BTBD9: variants seen among roughly 807,000 people sequenced by gnomAD.
The protein encoded by BTBD9 is BTB/POZ domain-containing protein 9.
In BTBD9, 49 loss-of-function variants were observed where a neutral mutation model predicts 64.3. The ratio of observed to expected loss-of-function variants is 0.76; its 90% confidence interval spans 0.61 to 0.97. BTBD9 has a LOEUF of 0.97. Among genes scored for constraint, BTBD9 ranks in the 50% least tolerant of loss-of-function variants. BTBD9 has a pLI of 0.00. For missense variants in BTBD9, 598 were observed against 762.1 expected, an observed-to-expected ratio of 0.78 and a Z score of 2.53; for synonymous variants, 260 against 274.7, an observed-to-expected ratio of 0.95 and a Z score of 0.53.
intron 6 of BTBD9, among the ~76,000 whole-genome samples, chr6:38,534,443 C>T (rs1188895195): frequency 1.6e-5 from 2 of 125,080 alleles, no homozygotes; most frequent in African/African-American, 3.0e-5. Flanking sequence ...AACATTTAAA[C>T]AAAAACTGAT....
intron 6 of BTBD9, among the ~76,000 whole-genome samples, chr6:38,517,709 T>G (rs2127416581): frequency 6.6e-6 from 1 of 152,354 alleles, no homozygotes; most frequent in East Asian, 1.9e-4. Context: ...TAGTTCCTCC[T>G]TGCAACCCTT....
chr6:38,201,690 C>G (rs947048993), intron 9 of BTBD9, among the ~76,000 whole-genome samples: 1 of 152,116 alleles, frequency 6.6e-6, no homozygotes, highest in East Asian at 1.9e-4. Context: ...TTCAGAAAGA[C>G]CAAAGGATTC....
chr6:38,402,957 C>CA (rs1240618717), intron 6 of BTBD9: 25 of 637,350 alleles, frequency 3.9e-5, no homozygotes, highest in Non-Finnish European at 7.0e-5. Context: ...CCTGTCATCC[C>CA]AGCTACTCAG....
At position 38,171,255 on chromosome 6, in the gene BTBD9, G is replaced by A. The variant is rs1766746088; in HGVS notation, c.*3730C>T. 1 of 152,184 alleles carries A rather than the reference G, an allele frequency of 6.6e-6. No individual in the cohort carries two copies. Among genetic ancestry groups the A allele is most frequent in the Non-Finnish European group, 1.5e-5 (1 of 68,032 alleles). 9.4% of individuals were successfully genotyped at this position (152,184 alleles called of 1,614,324 possible). ...CCATCTGCACAGCAGTTTGACAACT[G>A]GGGCGACAGCATAATACTGGGCAAT... On this transcript the variant is annotated 3_prime_UTR_variant, in exon 11 of 11. Transcript: ENST00000481247.
chr6:38,407,157 T>C (rs184584911), intron 6 of BTBD9, among the ~76,000 whole-genome samples: 113 of 152,380 alleles, frequency 7.4e-4, no homozygotes, highest in Non-Finnish European at 1.0e-3. Flanking sequence ...TTTGGAAAAG[T>C]ATTTGATGAC....
intron 7 of BTBD9, among the ~76,000 whole-genome samples, chr6:38,340,350 A>C (rs1394720608): frequency 6.6e-6 from 1 of 152,170 alleles, no homozygotes; most frequent in Non-Finnish European, 1.5e-5. Context: ...AAGGGCAGGA[A>C]ATGTACAAAA....
At chr6:38,447,261 A>G (rs922280251) in intron 6 of BTBD9, among the ~76,000 whole-genome samples, 1 of 152,182 alleles carries the variant, frequency 6.6e-6, no homozygotes, top group Non-Finnish European at 1.5e-5. Context: ...TCCATTAGAG[A>G]TACAGAATTT....
rs551759680 is a variant in BTBD9, at chr6:38,423,903, G to A, written c.1155-78810C>T. On this transcript the variant is annotated intron_variant, in intron 6 of 10. Transcript: ENST00000481247. ...TTTTAAGTAGTTCACGACAGGGCCC[G>A]TGCCATGTTCAGCTTTTTCACTTCC... Among the ~76,000 whole-genome samples the A allele has an allele frequency of 3.4e-4, 51 of 151,632 alleles. 2 individuals carry two copies. Among genetic ancestry groups the A allele is most frequent in the Admixed American group, 1.1e-3 (17 of 15,268 alleles).
chr6:38,512,965 A>G (rs1431743150), intron 6 of BTBD9, among the ~76,000 whole-genome samples: 1 of 152,212 alleles, frequency 6.6e-6, no homozygotes, highest in Non-Finnish European at 1.5e-5. Flanking sequence ...AAGCTAGTAA[A>G]AAAGCTATGC....
chr6:38,405,730 T>C (rs1441091975), intron 6 of BTBD9, among the ~76,000 whole-genome samples: 1 of 152,170 alleles, frequency 6.6e-6, no homozygotes, highest in Non-Finnish European at 1.5e-5. Context: ...TAATACTAAA[T>C]ATTCCCAAAT....
chr6:38,545,616 A>G (rs1387016827), intron 6 of BTBD9, among the ~76,000 whole-genome samples: 1 of 151,658 alleles, frequency 6.6e-6, no homozygotes, highest in East Asian at 2.0e-4. Context: ...CGTCTCTACT[A>G]AAAATACAAA....
chr6:38,466,899 C>T, intron 6 of BTBD9, among the ~76,000 whole-genome samples: 1 of 152,104 alleles, frequency 6.6e-6, no homozygotes. Flanking sequence ...TTTAAGACAA[C>T]TATATATCTG....
chr6:38,399,273 T>C (rs1036096242), intron 6 of BTBD9, among the ~76,000 whole-genome samples: 2 of 152,216 alleles, frequency 1.3e-5, no homozygotes, highest in African/African-American at 4.8e-5. Flanking sequence ...ATTTAGGATA[T>C]CTGGAAGTAA....
chr6:38,256,604 C>T (rs1764588207), intron 8 of BTBD9, 88 bp from the exon 9 acceptor site: 2 of 854,668 alleles, frequency 2.3e-6, no homozygotes, highest in South Asian at 3.0e-5. Context: ...CACCCACCTC[C>T]TTTGTTCAGC....
chr6:38,239,844 A>G (rs1413193058), intron 9 of BTBD9, among the ~76,000 whole-genome samples: 1 of 152,202 alleles, frequency 6.6e-6, no homozygotes. Context: ...TCAGTGGAAA[A>G]TTACTGCTTA....
chr6:38,455,477 G>A (rs191318378), intron 6 of BTBD9, among the ~76,000 whole-genome samples: 9 of 152,206 alleles, frequency 5.9e-5, no homozygotes, highest in Admixed American at 5.2e-4. Flanking sequence ...GCCTCATTTT[G>A]CCTTTTATAG....
rs559674423 is a variant in BTBD9 at position 38,480,845 on chromosome 6, G to C, written c.1154+96755C>G. ...GCTTCCCAAACAGACTGTAGTGTTG[G>C]TAGACAGCATATAGCCATCACACAG... On this transcript the variant is annotated intron_variant, in intron 6 of 10. Transcript: ENST00000481247. 6.9e-3 allele frequency among the ~76,000 whole-genome samples: 1,056 copies of C among 152,274 alleles called. 6 individuals carry two copies. The highest frequency in any genetic ancestry group is 0.024 in the African/African-American group (998 of 41,538).
intron 9 of BTBD9, among the ~76,000 whole-genome samples, chr6:38,253,103 GAC>G (rs1187969604): frequency 1.3e-5 from 2 of 151,192 alleles, no homozygotes; most frequent in Non-Finnish European, 2.9e-5. Flanking sequence ...GACAGAGTGA[GAC>G]TCTGTCTCAA....
At chr6:38,259,772 C>T (rs1764727915) in intron 8 of BTBD9, among the ~76,000 whole-genome samples, 1 of 152,122 alleles carries the variant, frequency 6.6e-6, no homozygotes, top group Non-Finnish European at 1.5e-5. Context: ...TTGAACTCAT[C>T]TTTTAAGTAG....
Sources: gnomAD v4.1 joint callset for allele counts (sites outside exome capture counted in the v4.1 genomes callset) on GRCh38, gnomAD v4.1.1 for gene constraint, MANE v1.5 for transcripts, NCBI Gene and HGNC (gene_info 2026-07-23, HGNC 2026-07-21) for gene names.